EYS: variants seen among roughly 807,000 people sequenced by gnomAD.
EYS encodes EGF-like photoreceptor maintenance factor, also known as protein eyes shut homolog.
In EYS, 250 loss-of-function variants were observed where a neutral mutation model predicts 282.1. The observed-to-expected ratio is 0.89, with a 90% CI of 0.80 to 0.98. The LOEUF (loss-of-function observed/expected upper bound fraction) is 0.98, where lower values mean the gene tolerates loss of function less well. Among genes scored for constraint, EYS ranks in the 50% least tolerant of loss-of-function variants. The pLI is 0.00. For missense variants in EYS, 4,016 were observed against 3,709.0 expected, an observed-to-expected ratio of 1.08 and a Z score of -2.15; for synonymous variants, 1,355 against 1,282.9, an observed-to-expected ratio of 1.06 and a Z score of -1.20.
At position 64,789,985 on chromosome 6, in the gene EYS, C is replaced by CT. The variant is rs549994462; in HGVS notation, c.3443+23392dup. Among the ~76,000 whole-genome samples the CT allele has an allele frequency of 5.4e-4, 81 of 151,384 alleles. No homozygotes were observed. The South Asian group carries it at 0.016, about 29-fold the overall frequency. On this transcript the variant is annotated intron_variant, in intron 22 of 42. Coordinates refer to ENST00000503581, the MANE Select transcript of EYS (RefSeq NM_001142800.2). The stretch of plus-strand genomic sequence containing the variant: ...GAAGCAATATATCATTAGATTTGTT[C>CT]TTTTTTTTACGAGGAAGATACAACA...
At chr6:65,594,024 G>C (rs141824608) in intron 2 of EYS, among the ~76,000 whole-genome samples, 4 of 151,978 alleles carry the variant, frequency 2.6e-5, no homozygotes, top group East Asian at 3.9e-4. Context: ...TACAACCCCA[G>C]AGCAGCATGG....
chr6:65,530,384 T>G (rs1338508347), intron 2 of EYS, among the ~76,000 whole-genome samples: 1 of 152,054 alleles, frequency 6.6e-6, no homozygotes, highest in African/African-American at 2.4e-5. Context: ...GTAAATACAG[T>G]TTTTCAAAAT....
chr6:65,375,049 T>C (rs1022025933), intron 8 of EYS, among the ~76,000 whole-genome samples: 1 of 152,130 alleles, frequency 6.6e-6, no homozygotes, highest in Non-Finnish European at 1.5e-5. Flanking sequence ...ATAGACTGCC[T>C]CCTCAAGTGG....
At chr6:64,534,267 C>T (rs186013893) in intron 26 of EYS, among the ~76,000 whole-genome samples, 75 of 151,846 alleles carry the variant, frequency 4.9e-4, no homozygotes, top group Admixed American at 2.1e-3. Flanking sequence ...GGTTTCAAGG[C>T]ATTTAAATTA....
chr6:65,643,896 C>T (rs772556061), intron 1 of EYS, among the ~76,000 whole-genome samples: 16 of 152,204 alleles, frequency 1.1e-4, no homozygotes, highest in Middle Eastern at 3.4e-3. Context: ...CAAGGGAGCA[C>T]GCGGTGGGAC....
intron 30 of EYS, among the ~76,000 whole-genome samples, chr6:64,274,402 G>C (rs1768038546): frequency 6.7e-6 from 1 of 150,002 alleles, no homozygotes; most frequent in African/African-American, 2.5e-5. Flanking sequence ...AAACTCCTGG[G>C]CCCAAGCAAT....
intron 12 of EYS, among the ~76,000 whole-genome samples, chr6:65,082,001 T>G (rs1039196839): frequency 2.6e-4 from 40 of 152,080 alleles, no homozygotes; most frequent in Admixed American, 2.6e-3. Flanking sequence ...AAACTGTCCA[T>G]GGAACCAATT....
intron 31 of EYS, among the ~76,000 whole-genome samples, chr6:64,134,014 A>T (rs1053888423): frequency 2.0e-5 from 3 of 152,044 alleles, no homozygotes; most frequent in African/African-American, 7.2e-5. Context: ...ATAGTTAGAT[A>T]AAAAGCTCCT....
At chr6:65,632,074 A>G (rs1314581790) in intron 2 of EYS, among the ~76,000 whole-genome samples, 2 of 152,156 alleles carry the variant, frequency 1.3e-5, no homozygotes, top group Non-Finnish European at 2.9e-5. Flanking sequence ...TGGGATTCAA[A>G]CTTGCCACAG....
chr6:64,972,796 C>G (rs934918190), intron 14 of EYS, among the ~76,000 whole-genome samples: 2 of 151,954 alleles, frequency 1.3e-5, no homozygotes, highest in Non-Finnish European at 2.9e-5. Context: ...GGTTGGTGCC[C>G]CCAACACCCA....
At chr6:64,811,963 AT>A (rs989805009) in intron 22 of EYS, among the ~76,000 whole-genome samples, 4 of 152,058 alleles carry the variant, frequency 2.6e-5, no homozygotes, top group South Asian at 2.1e-4. Context: ...TTGATAATCA[AT>A]TTTTTTATTG....
At chr6:64,728,664 C>T (rs557672786) in intron 22 of EYS, among the ~76,000 whole-genome samples, 1 of 152,208 alleles carries the variant, frequency 6.6e-6, no homozygotes, top group East Asian at 1.9e-4. Flanking sequence ...GTTTTGCCAT[C>T]TGTGGACAGC....
intron 5 of EYS, among the ~76,000 whole-genome samples, chr6:65,452,665 C>T (rs896842990): frequency 6.6e-6 from 1 of 152,028 alleles, no homozygotes; most frequent in Admixed American, 6.6e-5. Context: ...AGGAAGTTCT[C>T]AAAGAAGTGT....
At chr6:64,732,307 T>TA (rs112329306) in intron 22 of EYS, among the ~76,000 whole-genome samples, 287 of 141,562 alleles carry the variant, frequency 2.0e-3, no homozygotes, top group Middle Eastern at 3.6e-3. Context: ...CTTAAAGTAT[T>TA]AAAAAAAAAA....
chr6:65,109,668 A>C (rs942957522), intron 12 of EYS, among the ~76,000 whole-genome samples: 2 of 151,918 alleles, frequency 1.3e-5, no homozygotes, highest in African/African-American at 2.4e-5. Context: ...AAAAAAAAAA[A>C]AAACACCTTT....
intron 31 of EYS, among the ~76,000 whole-genome samples, chr6:64,148,106 T>C (rs529936524): frequency 1.3e-5 from 2 of 150,854 alleles, no homozygotes; most frequent in South Asian, 4.1e-4. Flanking sequence ...ATAAAAGTAA[T>C]TTGTGAACTG....
intron 28 of EYS, among the ~76,000 whole-genome samples, chr6:64,394,592 A>G (rs542193728): frequency 2.6e-5 from 4 of 152,032 alleles, no homozygotes; most frequent in African/African-American, 7.2e-5. Context: ...AGAAAGCTGA[A>G]ACTGGATCCC....
chr6:65,643,733 C>A (rs544284965), intron 1 of EYS, among the ~76,000 whole-genome samples: 1 of 152,162 alleles, frequency 6.6e-6, no homozygotes, highest in South Asian at 2.1e-4. Flanking sequence ...GCTGAAAGAC[C>A]TGAAGATGAA....
intron 5 of EYS, among the ~76,000 whole-genome samples, chr6:65,405,907 CT>C (rs1174911277): frequency 3.9e-5 from 6 of 152,034 alleles, no homozygotes; most frequent in East Asian, 1.9e-4. Context: ...AAGGAATATG[CT>C]TTTTTTATAT....
Sources: allele counts gnomAD v4.1 joint callset (sites outside exome capture counted in the v4.1 genomes callset), GRCh38; gene constraint gnomAD v4.1.1; transcripts MANE v1.5; gene names NCBI Gene and HGNC (gene_info 2026-07-23, HGNC 2026-07-21).